HDAC7: variants seen among roughly 807,000 people sequenced by gnomAD.
The protein encoded by HDAC7 is histone deacetylase 7A.
Under a neutral mutation model 115.5 loss-of-function variants are expected in HDAC7, and 26 were observed. That is an observed-to-expected ratio of 0.23 (90% CI 0.16 to 0.31). The LOEUF is 0.31. HDAC7 is among the 10% of genes least tolerant of loss of function. The pLI is 1.00. For synonymous variants in HDAC7, 564 were observed against 550.9 expected, an observed-to-expected ratio of 1.02 and a Z score of -0.33; for missense variants, 1,068 against 1,329.0, an observed-to-expected ratio of 0.80 and a Z score of 3.05.
At chr12:47,791,448 AG>A (rs1943502474) in intron 15 of HDAC7, 137 bp downstream of exon 15, 1 of 1,390,182 alleles carries the variant, frequency 7.2e-7, no homozygotes, top group Non-Finnish European at 9.8e-7. Context: ...TGGGCTGAGG[AG>A]GGGCTTGGCA....
Position 47,793,546 on chromosome 12 carries a change from G to A in HDAC7, c.1501C>T (p.Arg501Trp), listed in dbSNP as rs77196719. ...AGCACAGTGTCCCCGGTGCTGCCCC[G>A]GGGGAGCCGCCCAGCCAGTCGCTGC... Reference protein sequence around the residue: ...EQQRLAGRLPRGSTGDTVLLP... With the variant: ...EQQRLAGRLPWGSTGDTVLLP... The change falls in exon 13 of 26, where the codon CGG (arginine) becomes TGG (tryptophan). Residue 501 changes from arginine (R) to tryptophan (W), a missense_variant. This residue lies in a region of HDAC7 where 618 missense variants were observed against 701.5 expected (regional missense o/e 0.88). Coordinates refer to ENST00000080059, the MANE Select transcript of HDAC7 (RefSeq NM_015401.5). The surrounding 1 kb of genome is among the most constrained non-coding windows in gnomAD (Gnocchi z 4.5). 18,131 of 1,546,278 alleles carry A rather than the reference G, an allele frequency of 0.012. 137 individuals carry two copies. Among genetic ancestry groups the A allele is most frequent in the South Asian group, 0.016 (1,336 of 83,866 alleles).
rs906120792 is a variant in HDAC7 at position 47,797,945 on chromosome 12, A to C, written c.461+163T>G. Among the ~76,000 whole-genome samples, 1 of 141,140 alleles carries C rather than the reference A, an allele frequency of 7.1e-6. No individual in the cohort carries two copies. The highest frequency in any genetic ancestry group is 2.7e-5 in the African/African-American group (1 of 37,700). The allele number at this position is 141,140 out of a possible 152,430, so 92.6% of individuals were successfully genotyped here. On this transcript the variant is annotated intron_variant, in intron 5 of 25. Transcript: ENST00000080059. The surrounding 1 kb of genome is among the most constrained non-coding windows in gnomAD (Gnocchi z 5.5). ...AGAATTTAAAGAGAGGAGGGCAGGT[A>C]TCAGTTGAGAGAGGGGCTCGGGGGC...
chr12:47,819,780 G>A lies in HDAC7; in HGVS notation c.6C>T (p.His2=). 1 of 767,094 alleles carries A rather than the reference G, an allele frequency of 1.3e-6. No homozygotes were observed. The highest frequency in any genetic ancestry group is 1.6e-6 in the Non-Finnish European group (1 of 615,630). The allele number at this position is 767,094 out of a possible 1,614,324, so 47.5% of individuals were successfully genotyped here. Residue 2 remains histidine, a synonymous_variant, in exon 1 of 26, where the codon CAC becomes CAT. Transcript: ENST00000080059. ...CCCAGTACTCACCAGCGCCGGGGCT[G>A]TGCATCCAGGGGCCGGGGCCCTCAG... The part of the protein sequence containing the change: M[H]SPGADGTQVS...
chr12:47,810,880 C>T lies in HDAC7; in HGVS notation c.20-8606G>A, dbSNP rs181503492. Among the ~76,000 whole-genome samples the T allele has an allele frequency of 7.5e-3, 1,132 of 151,532 alleles. 10 individuals are homozygous for T. Among genetic ancestry groups the T allele is most frequent in the Middle Eastern group, 0.017 (5 of 294 alleles). On this transcript the variant is annotated intron_variant, in intron 1 of 25. Coordinates refer to ENST00000080059, the MANE Select transcript of HDAC7 (RefSeq NM_015401.5). ...TCTCTGTCTCTCACTCACGGGCAGGCCTTGGGCAGGTGGAAGCGCTGGAAG... is the reference window on the plus strand; with the variant it reads ...TCTCTGTCTCTCACTCACGGGCAGGTCTTGGGCAGGTGGAAGCGCTGGAAG...
At chr12:47,785,302 A>G in intron 24 of HDAC7, 85 bp downstream of exon 24, 1 of 1,131,194 alleles carries the variant, frequency 8.8e-7, no homozygotes, top group South Asian at 1.5e-5. Context: ...TGGCACCGGA[A>G]GCCCTAGGAT....
chr12:47,791,705 C>T lies in HDAC7; in HGVS notation c.1814G>A (p.Cys605Tyr). The T allele has an allele frequency of 1.9e-6, 3 of 1,613,596 alleles. No individual in the cohort carries two copies. The highest frequency in any genetic ancestry group is 1.3e-5 in the African/African-American group (1 of 75,044). Reference sequence around the variant, plus strand: ...CAGGGAGGCCTTCCGGCCTCGGAGACACTGAAAAGGGGACCACAGAGCTCT... The same window carrying T: ...CAGGGAGGCCTTCCGGCCTCGGAGATACTGAAAAGGGGACCACAGAGCTCT... ...QERGLRSQCE[C>Y]LRGRKASLEE... is the part of the protein sequence containing the mutation. The change falls in exon 15 of 26, where the codon TGT becomes TAT. Residue 605 changes from cysteine (C) to tyrosine (Y), a missense_variant and splice_region_variant. Cys to Tyr is a radical substitution (Grantham distance 194). Transcript: ENST00000080059.
intron 1 of HDAC7, chr12:47,817,602 T>G (rs73291253): frequency 0.021 from 3,254 of 152,330 alleles, 74 homozygotes; most frequent in African/African-American, 0.049. Context: ...CTGTGGAGGG[T>G]GGGCCAGCAG....
At chr12:47,820,897 T>A (rs955551139), upstream of HDAC7, among the ~76,000 whole-genome samples, 1 of 152,128 alleles carries the variant, frequency 6.6e-6, no homozygotes, top group South Asian at 2.1e-4. This position sits in a 1 kb window ranked among gnomAD's most constrained non-coding sequence, Gnocchi z 4.3. Context: ...GCAGTGGCCC[T>A]CCCTGCCTCT....
rs201120443 is a variant in HDAC7 at position 47,797,344 on chromosome 12, C to T, written c.577+40G>A. On this transcript the variant is annotated intron_variant, in intron 6 of 25. Transcript: ENST00000080059. This position sits in a 1 kb window ranked among gnomAD's most constrained non-coding sequence, Gnocchi z 5.5. ...TCCCCCATGTCCGAGGCCCTTCCCC[C>T]TTCCTTTGCCTGAAAGGTCCGCCTG... 1.9e-6 allele frequency: 3 copies of T among 1,585,784 alleles called. No individual in the cohort carries two copies. The highest frequency in any genetic ancestry group is 1.7e-6 in the Non-Finnish European group (2 of 1,154,570).
intron 1 of HDAC7, 161 bp from the exon 2 acceptor site, chr12:47,802,435 C>T (rs1192328910): frequency 2.6e-6 from 4 of 1,548,760 alleles, no homozygotes; most frequent in Middle Eastern, 1.7e-4. Flanking sequence ...GAAGACCCCA[C>T]CCCATTCGAC....
At position 47,789,272 on chromosome 12, in the gene HDAC7, T is replaced by C; in HGVS notation, c.2224A>G (p.Ile742Val). Residue 742 changes from isoleucine to valine, a missense_variant, in exon 19 of 26, where the codon ATT (isoleucine) becomes GTT (valine). Transcript: ENST00000080059. ...GGACAGGCACCTACCCAGTCTACAA[T>C]GAGGATCTTGCTGGCCTTGCTCTGC... ...QQQSKASKIL[I>V]VDWDVHHGNG... The C allele has an allele frequency of 6.2e-7, 1 of 1,613,886 alleles. No individual in the cohort carries two copies. The highest frequency in any genetic ancestry group is 1.1e-5 in the South Asian group (1 of 91,078).
rs906067929 is a variant in HDAC7 at position 47,798,328 on chromosome 12, T to A, written c.350-109A>T. ...CCTCAGTAGGAGGCGTCCCAGGGACTCCCTAGGCAAGAGCCAAGCCCGAGG... is the reference window on the plus strand; with the variant it reads ...CCTCAGTAGGAGGCGTCCCAGGGACACCCTAGGCAAGAGCCAAGCCCGAGG... On this transcript the variant is annotated intron_variant, in intron 4 of 25. Coordinates refer to ENST00000080059, the MANE Select transcript of HDAC7 (RefSeq NM_015401.5). The surrounding 1 kb of genome is among the most constrained non-coding windows in gnomAD (Gnocchi z 4.3). 6.2e-6 allele frequency: 6 copies of A among 971,606 alleles called. No individual in the cohort carries two copies. The highest frequency in any genetic ancestry group is 9.7e-6 in the Non-Finnish European group (6 of 616,478). The allele number at this position is 971,606 out of a possible 1,614,324, so 60.2% of individuals were successfully genotyped here.
chr12:47,805,049 C>T (rs551677788), intron 1 of HDAC7, among the ~76,000 whole-genome samples: 1 of 151,864 alleles, frequency 6.6e-6, no homozygotes, highest in South Asian at 2.1e-4. Flanking sequence ...GCCCCCCTCC[C>T]GATGCCTCCA....
rs976937494 is a variant in HDAC7, at chr12:47,802,073, T to C, written c.70+151A>G. 29 of 757,412 alleles carry C rather than the reference T, an allele frequency of 3.8e-5. No individual in the cohort carries two copies. The African/African-American group carries it at 4.9e-4, about 13-fold the overall frequency. The allele number at this position is 757,412 out of a possible 1,614,324, so 46.9% of individuals were successfully genotyped here. On this transcript the variant is annotated intron_variant, in intron 2 of 25. Coordinates refer to ENST00000080059, the MANE Select transcript of HDAC7 (RefSeq NM_015401.5). The stretch of plus-strand genomic sequence containing the variant: ...GAGCTGCCTCTCTTACCCCGGCTCC[T>C]CGCCCCTCCCTGGAGCCGCCACCTC...
chr12:47,800,920 C>T (rs1244866432), intron 2 of HDAC7, among the ~76,000 whole-genome samples: 1 of 152,234 alleles, frequency 6.6e-6, no homozygotes, highest in Admixed American at 6.5e-5. Flanking sequence ...CAATCTGGTC[C>T]TAACTTGGCT....
rs1477084380 is a variant in HDAC7, at chr12:47,785,378, C to T, written c.2791+9G>A. The stretch of plus-strand genomic sequence containing the variant: ...CTGAGCTCAGCGAGTGTCCCATCTC[C>T]ACACTTACTGTGCACCCGGATCACG... On this transcript the variant is annotated intron_variant, in intron 24 of 25. Coordinates refer to ENST00000080059, the MANE Select transcript of HDAC7 (RefSeq NM_015401.5). The T allele has an allele frequency of 6.2e-7, 1 of 1,602,920 alleles. No individual in the cohort carries two copies. Among genetic ancestry groups the T allele is most frequent in the African/African-American group, 1.3e-5 (1 of 74,544 alleles).
chr12:47,784,345 G>A, intron 24 of HDAC7, 128 bp from the exon 25 acceptor site: 1 of 979,124 alleles, frequency 1.0e-6, no homozygotes, highest in Non-Finnish European at 1.5e-6. Context: ...CCTCCACTTA[G>A]GGTCGGCTCT....
chr12:47,790,727 AAGC>A, intron 16 of HDAC7: 1 of 167,874 alleles, frequency 6.0e-6, no homozygotes, highest in South Asian at 1.4e-4. Flanking sequence ...AGGGAGCGGG[AAGC>A]TCCCTTCACA....
chr12:47,790,969 C>T, intron 16 of HDAC7: 1 of 530,198 alleles, frequency 1.9e-6, no homozygotes, highest in Non-Finnish European at 3.4e-6. Flanking sequence ...GAGAGATGAT[C>T]CTAAGCCCCA....
Sources: gnomAD v4.1 joint callset for allele counts (sites outside exome capture counted in the v4.1 genomes callset) on GRCh38, gnomAD v4.1.1 for gene constraint, gnomAD v4.1.1 regional missense constraint, Gnocchi (gnomAD v3.1) non-coding constraint, MANE v1.5 for transcripts, NCBI Gene and HGNC (gene_info 2026-07-23, HGNC 2026-07-21) for gene names.